CPS1: variants seen among roughly 807,000 people sequenced by gnomAD.
CPS1 encodes the protein carbamoyl-phosphate synthase [ammonia], mitochondrial.
CPS1 carries 109 observed loss-of-function variants against 174.6 expected under a neutral mutation model. The ratio of observed to expected loss-of-function variants is 0.62; its 90% confidence interval spans 0.53 to 0.73. CPS1 has a LOEUF of 0.73. Ranked by LOEUF, CPS1 falls within the 30% of genes least tolerant of loss-of-function variation. CPS1 has a pLI of 0.00. For synonymous variants in CPS1, 637 were observed against 632.0 expected, an observed-to-expected ratio of 1.01 and a Z score of -0.12; for missense variants, 1,689 against 1,821.9, an observed-to-expected ratio of 0.93 and a Z score of 1.33.
intron 1 of CPS1, among the ~76,000 whole-genome samples, chr2:210,518,507 A>G (rs1173386635): frequency 6.6e-6 from 1 of 152,004 alleles, no homozygotes; most frequent in African/African-American, 2.4e-5. Flanking sequence ...TCCAAAGGGA[A>G]TGGCTTGCTA....
At chr2:210,530,989 A>G (rs1314112136) in intron 1 of CPS1, among the ~76,000 whole-genome samples, 1 of 152,040 alleles carries the variant, frequency 6.6e-6, no homozygotes, top group Non-Finnish European at 1.5e-5. Context: ...AAACTTTAAA[A>G]AATCTTTATT....
intron 7 of CPS1, among the ~76,000 whole-genome samples, chr2:210,589,365 G>T (rs889112618): frequency 1.3e-5 from 2 of 152,122 alleles, no homozygotes; most frequent in Non-Finnish European, 2.9e-5. Flanking sequence ...TATATTAAAA[G>T]AAATTTCTAA....
chr2:210,536,583 C>T (rs1243418737), intron 1 of CPS1, among the ~76,000 whole-genome samples: 12 of 152,120 alleles, frequency 7.9e-5, no homozygotes, highest in Non-Finnish European at 1.2e-4. Context: ...GCCTCGGCCT[C>T]CCAAAGTGCT....
At chr2:210,633,875 G>T (rs1293020293) in intron 21 of CPS1, among the ~76,000 whole-genome samples, 1 of 152,188 alleles carries the variant, frequency 6.6e-6, no homozygotes, top group Non-Finnish European at 1.5e-5. Context: ...TTAGCCCATG[G>T]TCACAATTAT....
At chr2:210,571,901 GTGTGTGTGTA>G (rs1444606807) in intron 1 of CPS1, among the ~76,000 whole-genome samples, 3 of 125,210 alleles carry the variant, frequency 2.4e-5, no homozygotes, top group East Asian at 4.8e-4. Context: ...GTGTGTGTGT[GTGTGTGTGTA>G]TGTGTAATGG....
chr2:210,545,485 T>C (rs1054069706), intron 1 of CPS1, among the ~76,000 whole-genome samples: 2 of 152,068 alleles, frequency 1.3e-5, no homozygotes, highest in African/African-American at 4.8e-5. Flanking sequence ...AAATTATAAA[T>C]GTATGAATTT....
chr2:210,511,507 A>G (rs1261777076), intron 1 of CPS1, among the ~76,000 whole-genome samples: 1 of 149,370 alleles, frequency 6.7e-6, no homozygotes, highest in Non-Finnish European at 1.5e-5. Context: ...CATTGTGCAC[A>G]TGTACCCTCA....
intron 1 of CPS1, among the ~76,000 whole-genome samples, chr2:210,531,527 G>T (rs1248051070): frequency 6.6e-6 from 1 of 152,106 alleles, no homozygotes; most frequent in Non-Finnish European, 1.5e-5. Context: ...ATTTGAGGGG[G>T]TTATGCCTAC....
rs1224536602 is a variant in CPS1, at chr2:210,616,441, T to A, written c.2587T>A (p.Ser863Thr). 6.2e-7 allele frequency: 1 copy of A among 1,611,294 alleles called. No homozygotes were observed. Among genetic ancestry groups the A allele is most frequent in the South Asian group, 1.1e-5 (1 of 91,032 alleles). ...AIAKAIDDNM[S>T]LDEIEKLTYI... ...TTGGCAGGCCATTGATGACAACATG[T>A]CCCTTGATGAGATTGAGAAGCTCAC... Residue 863 changes from serine (S) to threonine (T), a missense_variant, in exon 21 of 38, where the codon TCC becomes ACC. Physicochemically the swap from Ser to Thr is moderately conservative, Grantham distance 58. Transcript: ENST00000233072.
chr2:210,538,910 G>A (rs993642621), intron 1 of CPS1, among the ~76,000 whole-genome samples: 2 of 151,948 alleles, frequency 1.3e-5, no homozygotes, highest in African/African-American at 4.8e-5. Flanking sequence ...TCTATCAGAG[G>A]AAAAATTTAT....
intron 1 of CPS1, among the ~76,000 whole-genome samples, chr2:210,507,170 A>G (rs1446235867): frequency 3.9e-5 from 6 of 152,338 alleles, no homozygotes; most frequent in East Asian, 1.9e-4. Flanking sequence ...CAGACTAACA[A>G]TGGATCTCTC....
At chr2:210,493,004 C>G (rs1198073846) in intron 1 of CPS1, among the ~76,000 whole-genome samples, 1 of 152,090 alleles carries the variant, frequency 6.6e-6, no homozygotes, top group East Asian at 1.9e-4. Context: ...ATAAAAGTAT[C>G]TATAAGTTCT....
At chr2:210,630,320 A>G (rs1357816673) in intron 21 of CPS1, among the ~76,000 whole-genome samples, 1 of 152,188 alleles carries the variant, frequency 6.6e-6, no homozygotes, top group Non-Finnish European at 1.5e-5. Flanking sequence ...AGAACAGGAA[A>G]TTCAGAAAAT....
upstream of CPS1, chr2:210,556,522 C>T (rs2106036687): frequency 7.0e-7 from 1 of 1,431,998 alleles, no homozygotes; most frequent in Non-Finnish European, 9.4e-7. Flanking sequence ...CATCTCTGGA[C>T]ATTACCTCAG....
intron 30 of CPS1, 117 bp from the exon 31 acceptor site, chr2:210,658,482 G>C (rs1574651728): frequency 1.4e-6 from 1 of 733,628 alleles, no homozygotes; most frequent in Non-Finnish European, 2.4e-6. Context: ...TAGATATATA[G>C]CTGTCTGTGA....
rs560855844 is a variant in CPS1 at position 210,602,088 on chromosome 2, A to G, written c.1708-114A>G. The G allele has an allele frequency of 4.0e-6, 5 of 1,235,388 alleles. 1 individual carries two copies. The South Asian group carries it at 6.4e-5, about 16-fold the overall frequency. 76.5% of individuals were successfully genotyped at this position (1,235,388 alleles called of 1,614,324 possible). ...GATGAGGGAATAATAGAACATTTCT[A>G]GATTCACTCTCCCCACATAAGTTGG... is the stretch of plus-strand genomic sequence containing the variant. On this transcript the variant is annotated intron_variant, in intron 15 of 37. Transcript: ENST00000233072.
chr2:210,634,579 C>T (rs902471884), intron 21 of CPS1, among the ~76,000 whole-genome samples: 10 of 152,140 alleles, frequency 6.6e-5, no homozygotes, highest in Non-Finnish European at 1.5e-4. Flanking sequence ...TTCCAGACTT[C>T]TCCATTGGCA....
chr2:210,500,082 A>G (rs1209286720), intron 1 of CPS1, among the ~76,000 whole-genome samples: 1 of 151,996 alleles, frequency 6.6e-6, no homozygotes, highest in Non-Finnish European at 1.5e-5. Context: ...GCAAAGGGGG[A>G]AGCCCCTTAT....
intron 1 of CPS1, among the ~76,000 whole-genome samples, chr2:210,514,862 A>G (rs1574484465): frequency 1.4e-5 from 2 of 144,884 alleles, no homozygotes; most frequent in Admixed American, 6.9e-5. Flanking sequence ...TTTCAGGTAC[A>G]TTGCTTCAGT....
Sources: gnomAD v4.1 joint callset for allele counts (sites outside exome capture counted in the v4.1 genomes callset) on GRCh38, gnomAD v4.1.1 for gene constraint, MANE v1.5 for transcripts, NCBI Gene and HGNC (gene_info 2026-07-23, HGNC 2026-07-21) for gene names.